The following GALNTL6 variants were observed in gnomAD, a reference collection of about 807,000 sequenced individuals.
The protein encoded by GALNTL6 is polypeptide N-acetylgalactosaminyltransferase-like 6.
GALNTL6 carries 46 observed loss-of-function variants against 73.7 expected under a neutral mutation model. The observed-to-expected ratio is 0.62, with a 90% CI of 0.49 to 0.80. The LOEUF is 0.80. GALNTL6 is among the 30% of genes least tolerant of loss of function. The pLI is 0.00. For synonymous variants in GALNTL6, 259 were observed against 263.7 expected (o/e 0.98, Z 0.17); for missense variants, 604 against 755.0 (o/e 0.80, Z 2.34).
chr4:172,844,948 G>A (rs1290087798), intron 7 of GALNTL6, among the ~76,000 whole-genome samples: 5 of 152,154 alleles, frequency 3.3e-5, no homozygotes, highest in Non-Finnish European at 7.4e-5. Flanking sequence ...GGGCGCGGTG[G>A]CTCACACCTG....
At chr4:171,953,670 A>T (rs1461997998) in intron 2 of GALNTL6, among the ~76,000 whole-genome samples, 1 of 152,160 alleles carries the variant, frequency 6.6e-6, no homozygotes, top group Non-Finnish European at 1.5e-5. Flanking sequence ...CTTTACATTA[A>T]AATTGAGTAT....
chr4:172,960,493 A>T (rs181998972), intron 10 of GALNTL6, among the ~76,000 whole-genome samples: 260 of 152,266 alleles, frequency 1.7e-3, no homozygotes, highest in African/African-American at 6.0e-3. Context: ...GAGAGGTCAG[A>T]TGGGTCTGTA....
chr4:172,389,780 A>G (rs897660940), intron 5 of GALNTL6, among the ~76,000 whole-genome samples: 1 of 152,156 alleles, frequency 6.6e-6, no homozygotes, highest in Non-Finnish European at 1.5e-5. Context: ...ATAGCTTTTT[A>G]TATGCTTAAT....
At chr4:172,772,038 T>G (rs1397981953) in intron 5 of GALNTL6, among the ~76,000 whole-genome samples, 1 of 151,878 alleles carries the variant, frequency 6.6e-6, no homozygotes, top group East Asian at 1.9e-4. Flanking sequence ...TGGCGAAAGG[T>G]GAAAGGCACG....
At chr4:172,248,788 G>A (rs543592314) in intron 3 of GALNTL6, among the ~76,000 whole-genome samples, 1 of 152,114 alleles carries the variant, frequency 6.6e-6, no homozygotes, top group South Asian at 2.1e-4. Flanking sequence ...CCTTCACTTG[G>A]TTCTCATTCT....
At chr4:171,891,356 C>T (rs752530839) in intron 2 of GALNTL6, among the ~76,000 whole-genome samples, 6 of 152,142 alleles carry the variant, frequency 3.9e-5, no homozygotes, top group Admixed American at 2.0e-4. Flanking sequence ...ATCCTTTTGT[C>T]ATGTTTCATT....
chr4:172,142,876 T>C (rs953107451), intron 2 of GALNTL6, among the ~76,000 whole-genome samples: 3 of 152,120 alleles, frequency 2.0e-5, no homozygotes, highest in African/African-American at 7.2e-5. Context: ...ATACATTGAA[T>C]ACTATGGAGA....
chr4:172,478,275 C>T (rs1480862803), intron 5 of GALNTL6, among the ~76,000 whole-genome samples: 1 of 152,182 alleles, frequency 6.6e-6, no homozygotes, highest in African/African-American at 2.4e-5. Flanking sequence ...TGCTACAAGG[C>T]TGTAGTAACC....
intron 4 of GALNTL6, among the ~76,000 whole-genome samples, chr4:172,340,253 G>A (rs1741514644): frequency 6.6e-6 from 1 of 152,144 alleles, no homozygotes; most frequent in Non-Finnish European, 1.5e-5. Flanking sequence ...AGATGATCAT[G>A]TGGTTTTATG....
At chr4:172,395,121 T>G (rs1291416484) in intron 5 of GALNTL6, among the ~76,000 whole-genome samples, 1 of 152,178 alleles carries the variant, frequency 6.6e-6, no homozygotes, top group Non-Finnish European at 1.5e-5. Flanking sequence ...TTTAGAAGCA[T>G]TCTATATTTA....
chr4:172,304,689 G>T (rs116606337), intron 3 of GALNTL6, among the ~76,000 whole-genome samples: 1 of 151,314 alleles, frequency 6.6e-6, no homozygotes, highest in South Asian at 2.1e-4. Flanking sequence ...TTTTTCCCCC[G>T]GACATAAACC....
At chr4:172,882,930 C>T in intron 8 of GALNTL6, 23 bp downstream of exon 8, 1 of 1,195,252 alleles carries the variant, frequency 8.4e-7, no homozygotes, top group Non-Finnish European at 1.2e-6. Flanking sequence ...ACCCTCTTCA[C>T]ACTATATCTG....
intron 5 of GALNTL6, among the ~76,000 whole-genome samples, chr4:172,353,280 T>C (rs1742001465): frequency 6.6e-6 from 1 of 152,128 alleles, no homozygotes; most frequent in Admixed American, 6.6e-5. Flanking sequence ...CACTCTAGCC[T>C]GGGTGTCAGA....
At chr4:172,616,435 G>C (rs1738733705) in intron 5 of GALNTL6, among the ~76,000 whole-genome samples, 1 of 149,212 alleles carries the variant, frequency 6.7e-6, no homozygotes, top group Non-Finnish European at 1.5e-5. Context: ...GTACACATTT[G>C]TTTCATGATA....
At chr4:171,902,148 G>T (rs1737118827) in intron 2 of GALNTL6, among the ~76,000 whole-genome samples, 1 of 152,192 alleles carries the variant, frequency 6.6e-6, no homozygotes, top group Non-Finnish European at 1.5e-5. Flanking sequence ...CTTGGCTGGA[G>T]ATTTAGTTCC....
At chr4:171,901,965 A>G (rs779797889) in intron 2 of GALNTL6, among the ~76,000 whole-genome samples, 9 of 152,192 alleles carry the variant, frequency 5.9e-5, no homozygotes, top group Non-Finnish European at 1.0e-4. Flanking sequence ...AAAGAGAGCA[A>G]AACTAAAACA....
chr4:172,163,583 C>T (rs1031371171), intron 2 of GALNTL6, among the ~76,000 whole-genome samples: 1 of 151,988 alleles, frequency 6.6e-6, no homozygotes, highest in Non-Finnish European at 1.5e-5. Context: ...AAGTCTTCAA[C>T]ACTTTGCATA....
chr4:172,483,450 G>A (rs1050336582), intron 5 of GALNTL6, among the ~76,000 whole-genome samples: 9 of 152,094 alleles, frequency 5.9e-5, no homozygotes, highest in African/African-American at 2.2e-4. Flanking sequence ...ATCTGGACAC[G>A]TATATAAAGA....
At chr4:172,155,123 G>C (rs1374281010) in intron 2 of GALNTL6, among the ~76,000 whole-genome samples, 1 of 151,834 alleles carries the variant, frequency 6.6e-6, no homozygotes, top group Non-Finnish European at 1.5e-5. Flanking sequence ...TCAGGCTCCT[G>C]AGTAGTTGGG....
Sources: allele counts gnomAD v4.1 joint callset (sites outside exome capture counted in the v4.1 genomes callset), GRCh38; gene constraint gnomAD v4.1.1; transcripts MANE v1.5; gene names NCBI Gene and HGNC (gene_info 2026-07-23, HGNC 2026-07-21).